MOK: variants seen among roughly 807,000 people sequenced by gnomAD.
MOK encodes the protein MAPK/MAK/MRK overlapping kinase.
MOK carries 59 observed loss-of-function variants against 54.2 expected under a neutral mutation model. That is an observed-to-expected ratio of 1.09 (90% CI 0.88 to 1.35). The LOEUF (loss-of-function observed/expected upper bound fraction) is 1.35, where lower values mean the gene tolerates loss of function less well. MOK is among the 40% of genes most tolerant of loss of function. The pLI is 0.00. For synonymous variants in MOK, 210 were observed against 202.7 expected (o/e 1.04, Z -0.31); for missense variants, 517 against 526.2 (o/e 0.98, Z 0.17).
At chr14:102,251,252 C>A (rs2066504366) in intron 6 of MOK, among the ~76,000 whole-genome samples, 1 of 152,210 alleles carries the variant, frequency 6.6e-6, no homozygotes, top group African/African-American at 2.4e-5. Context: ...AACTGGTTAA[C>A]CCATTGGCGC....
At position 102,231,878 on chromosome 14, in the gene MOK, G is replaced by A. The variant is rs2153083796; in HGVS notation, c.867-57C>T. 1 of 1,420,306 alleles carries A rather than the reference G, an allele frequency of 7.0e-7. No homozygotes were observed. Among genetic ancestry groups the A allele is most frequent in the East Asian group, 2.3e-5 (1 of 43,088 alleles). The allele number at this position is 1,420,306 out of a possible 1,614,324, so 88.0% of individuals were successfully genotyped here. On this transcript the variant is annotated intron_variant, in intron 9 of 11. Transcript: ENST00000361847. This position sits in a 1 kb window ranked among gnomAD's most constrained non-coding sequence, Gnocchi z 4.4. ...CCACTGAGAGCCCGCAGAGCACACG[G>A]CCTACTGGCTTCTTTGTCTCCAATT...
intron 2 of MOK, among the ~76,000 whole-genome samples, chr14:102,278,313 G>C (rs1280878884): frequency 1.3e-5 from 2 of 151,888 alleles, no homozygotes; most frequent in African/African-American, 4.8e-5. Flanking sequence ...GTTGATTCTG[G>C]CTGCTGGATA....
chr14:102,241,984 C>A (rs759126479), intron 7 of MOK, among the ~76,000 whole-genome samples: 10 of 152,232 alleles, frequency 6.6e-5, no homozygotes, highest in Non-Finnish European at 1.2e-4. Context: ...CTGTGCAGGA[C>A]CCCACTGGAA....
chr14:102,286,864 T>C (rs929717469), intron 1 of MOK, among the ~76,000 whole-genome samples: 3 of 150,938 alleles, frequency 2.0e-5, no homozygotes, highest in South Asian at 4.2e-4. Flanking sequence ...AAGCTGAGAT[T>C]GCGCCACTCC....
Position 102,232,933 on chromosome 14 carries a change from A to G in MOK, c.693-225T>C, listed in dbSNP as rs2064868659. On this transcript the variant is annotated intron_variant, in intron 8 of 11. Transcript: ENST00000361847. This position sits in a 1 kb window ranked among gnomAD's most constrained non-coding sequence, Gnocchi z 5.1. ...ACGGTTCATCGACCATAATAAACAC[A>G]CCACTCGAGGCAGGTGCTGACGACA... 1.6e-5 allele frequency: 6 copies of G among 368,840 alleles called. No homozygotes were observed. Among genetic ancestry groups the G allele is most frequent in the Non-Finnish European group, 2.9e-5 (6 of 207,272 alleles). 22.8% of individuals were successfully genotyped at this position (368,840 alleles called of 1,614,324 possible).
Position 102,231,051 on chromosome 14 carries a change from G to C in MOK, c.981+656C>G, listed in dbSNP as rs1302582596. On this transcript the variant is annotated intron_variant, in intron 10 of 11. Coordinates refer to ENST00000361847, the MANE Select transcript of MOK (RefSeq NM_014226.3). The surrounding 1 kb of genome is among the most constrained non-coding windows in gnomAD (Gnocchi z 4.4). ...CGAGTGACGTACGGACGACCGAACA[G>C]ACGAATGATGGAAGGGCACACTGTC... 2 of 152,296 alleles carry C rather than the reference G, an allele frequency of 1.3e-5. No individual in the cohort carries two copies. The highest frequency in any genetic ancestry group is 4.8e-5 in the African/African-American group (2 of 41,440). The allele number at this position is 152,296 out of a possible 1,614,324, so 9.4% of individuals were successfully genotyped here.
downstream of MOK, chr14:102,223,173 A>G (rs2064108654): frequency 4.7e-6 from 1 of 211,028 alleles, no homozygotes; most frequent in South Asian, 9.0e-5. Flanking sequence ...TCATATATAT[A>G]TAATATATAC....
intron 7 of MOK, among the ~76,000 whole-genome samples, chr14:102,244,505 T>C (rs1399688985): frequency 2.0e-5 from 3 of 152,198 alleles, no homozygotes; most frequent in Non-Finnish European, 4.4e-5. Context: ...AAATCACTTC[T>C]CAGTGTTCCA....
intron 5 of MOK, 32 bp downstream of exon 5, chr14:102,251,885 A>G: frequency 6.4e-7 from 1 of 1,551,386 alleles, no homozygotes; most frequent in Non-Finnish European, 8.9e-7. Flanking sequence ...CATTTTATTA[A>G]TTTCAGAGCT....
At chr14:102,225,735 C>T (rs1215053747), downstream of MOK, 1 of 158,190 alleles carries the variant, frequency 6.3e-6, no homozygotes, top group Non-Finnish European at 1.4e-5. Context: ...AGTGGGCCAA[C>T]ATGACTTCCA....
downstream of MOK, among the ~76,000 whole-genome samples, chr14:102,222,014 C>A (rs2063948235): frequency 6.6e-6 from 1 of 152,190 alleles, no homozygotes; most frequent in Admixed American, 6.5e-5. The surrounding 1 kb of genome is among the most constrained non-coding windows in gnomAD (Gnocchi z 4.4). Flanking sequence ...GTACTCTTTG[C>A]TGTGTAGGAG....
In MOK at chr14:102,283,596, T is replaced by C. The variant is rs2069705354; in HGVS notation, c.8-4A>G. 6.4e-7 allele frequency: 1 copy of C among 1,561,078 alleles called. No homozygotes were observed. Among genetic ancestry groups the C allele is most frequent in the Middle Eastern group, 1.7e-4 (1 of 5,932 alleles). ...ATTTTGCCAATTGCTTTATAGTCTA[T>C]AAATAAAAATGATTACAAAAATAAA... On this transcript the variant is annotated splice_region_variant and splice_polypyrimidine_tract_variant and intron_variant, in intron 1 of 11. Transcript: ENST00000361847.
chr14:102,246,047 T>C (rs1198710360), intron 7 of MOK: 1 of 152,428 alleles, frequency 6.6e-6, no homozygotes, highest in Non-Finnish European at 1.5e-5. Flanking sequence ...GCAGGCATTA[T>C]AATACTTACC....
In MOK at chr14:102,230,244, G is replaced by GCCTA. The variant is rs2064551060; in HGVS notation, c.982-591_982-588dup. ...GATGGGGTGGTGGGGCAGTGGTCTT[G>GCCTA]CCTACGTTGCCCAGGCTGGTCTCAA... On this transcript the variant is annotated intron_variant, in intron 10 of 11. Coordinates refer to ENST00000361847, the MANE Select transcript of MOK (RefSeq NM_014226.3). The surrounding 1 kb of genome is among the most constrained non-coding windows in gnomAD (Gnocchi z 4.1). 6.5e-6 allele frequency: 1 copy of GCCTA among 154,038 alleles called. No homozygotes were observed. The highest frequency in any genetic ancestry group is 2.4e-5 in the African/African-American group (1 of 41,424). 9.5% of individuals were successfully genotyped at this position (154,038 alleles called of 1,614,324 possible). A position where few individuals can be genotyped will look rare whatever the true frequency, so the allele number is the denominator to read the frequency against.
the MOK span, chr14:102,214,658 A>G: frequency 8.7e-5 from 86 of 984,332 alleles, no homozygotes; most frequent in Middle Eastern, 5.2e-4. Context: ...ATAAAATTGT[A>G]TGGATATTTT....
In MOK at chr14:102,251,748, G is replaced by C. The variant is rs748588036; in HGVS notation, c.411+8C>G. On this transcript the variant is annotated splice_region_variant and intron_variant, in intron 6 of 11. Transcript: ENST00000361847. The stretch of plus-strand genomic sequence containing the variant: ...TCTGATACCCAGCTTTCATGTAAAA[G>C]CTCTTACCTTTATTAGTATATTTTC... 13 of 1,563,682 alleles carry C rather than the reference G, an allele frequency of 8.3e-6. No homozygotes were observed. Among genetic ancestry groups the C allele is most frequent in the Non-Finnish European group, 1.1e-5 (12 of 1,136,622 alleles).
At position 102,282,587 on chromosome 14, in the gene MOK, T is replaced by C. The variant is rs118156075; in HGVS notation, c.122+891A>G. Reference sequence around the variant, plus strand: ...CCGTCTCTATAAAAAATACAAAAATTAGCCAGGCGTGTGGTGTGCTCCTGT... The same window carrying C: ...CCGTCTCTATAAAAAATACAAAAATCAGCCAGGCGTGTGGTGTGCTCCTGT... On this transcript the variant is annotated intron_variant, in intron 2 of 11. Transcript: ENST00000361847. 5.7e-3 allele frequency among the ~76,000 whole-genome samples: 857 copies of C among 150,138 alleles called. 18 individuals carry two copies. Among genetic ancestry groups the C allele is most frequent in the East Asian group, 0.035 (179 of 5,046 alleles).
rs1409943456 is a variant in MOK, at chr14:102,283,490, T to A, written c.110A>T (p.Gln37Leu). The A allele has an allele frequency of 6.2e-7, 1 of 1,610,354 alleles. No homozygotes were observed. The highest frequency in any genetic ancestry group is 2.2e-5 in the East Asian group (1 of 44,864). ...CTCTGTAGCCTACCTTTCAAAGCGCTGCTTCATTTGTTTACATGCATAGTA... is the reference window on the plus strand; with the variant it reads ...CTCTGTAGCCTACCTTTCAAAGCGCAGCTTCATTTGTTTACATGCATAGTA... ...GNYYACKQMK[Q>L]RFESIEQVNN... Residue 37 changes from glutamine to leucine, a missense_variant, in exon 2 of 12, where the codon CAG (glutamine) becomes CTG (leucine). Coordinates refer to ENST00000361847, the MANE Select transcript of MOK (RefSeq NM_014226.3).
chr14:102,304,693 T>TA (rs1253546826), intron 1 of MOK, among the ~76,000 whole-genome samples: 1 of 152,186 alleles, frequency 6.6e-6, no homozygotes, highest in Non-Finnish European at 1.5e-5. Context: ...TGCACCAAAA[T>TA]ATGCCTGAGC....
Sources: gnomAD v4.1 joint callset for allele counts (sites outside exome capture counted in the v4.1 genomes callset) on GRCh38, gnomAD v4.1.1 for gene constraint, Gnocchi (gnomAD v3.1) non-coding constraint, MANE v1.5 for transcripts, NCBI Gene and HGNC (gene_info 2026-07-23, HGNC 2026-07-21) for gene names.